AFTPH: variants seen among roughly 807,000 people sequenced by gnomAD.
AFTPH encodes aftiphilin.
AFTPH carries 7 observed loss-of-function variants against 72.5 expected under a neutral mutation model. The ratio of observed to expected loss-of-function variants is 0.10; its 90% CI spans 0.05 to 0.18. The LOEUF (loss-of-function observed/expected upper bound fraction) is 0.18. AFTPH is among the 10% of genes least tolerant of loss of function. The pLI, the probability that AFTPH is intolerant of heterozygous loss-of-function variation, is 1.00. For synonymous variants in AFTPH, 337 were observed against 370.1 expected, an observed-to-expected ratio of 0.91 and a Z score of 1.03; for missense variants, 979 against 1,060.5, an observed-to-expected ratio of 0.92 and a Z score of 1.07.
At chr2:64,564,537 C>T (rs989390148) in intron 2 of AFTPH, among the ~76,000 whole-genome samples, 1 of 151,986 alleles carries the variant, frequency 6.6e-6, no homozygotes, top group Non-Finnish European at 1.5e-5. Context: ...TCGCTTGAAC[C>T]TGAGAGGCCA....
exon 2 of AFTPH, chr2:64,552,550 A>G: frequency 6.2e-7 from 1 of 1,614,070 alleles, no homozygotes; most frequent in Non-Finnish European, 8.5e-7. Context: ...GAAAAACTTG[A>G]CTTACTTACT....
chr2:64,569,535 A>G, intron 4 of AFTPH, 88 bp from the exon 5 acceptor site: 1 of 1,423,272 alleles, frequency 7.0e-7, no homozygotes, highest in Non-Finnish European at 9.9e-7. Context: ...TATATGTAAT[A>G]ACACATCTCA....
chr2:64,590,384 G>A (rs894264642), intron 8 of AFTPH, among the ~76,000 whole-genome samples: 1 of 152,068 alleles, frequency 6.6e-6, no homozygotes, highest in Non-Finnish European at 1.5e-5. Context: ...AAATATTTTG[G>A]CTAGAATGCA....
intron 2 of AFTPH, among the ~76,000 whole-genome samples, chr2:64,558,202 A>G (rs1452742310): frequency 6.6e-6 from 1 of 152,236 alleles, no homozygotes; most frequent in African/African-American, 2.4e-5. Flanking sequence ...TCCCTAAGCA[A>G]GAAAGGAAAA....
exon 2 of AFTPH, chr2:64,552,506 A>G: frequency 6.2e-7 from 1 of 1,614,184 alleles, no homozygotes; most frequent in Non-Finnish European, 8.5e-7. Context: ...CTGATAATTC[A>G]GAAGCCATTA....
chr2:64,592,991 A>G (rs931876096), exon 9 of AFTPH: 2 of 152,688 alleles, frequency 1.3e-5, no homozygotes, highest in Non-Finnish European at 2.9e-5. Context: ...CAAAAATAAA[A>G]TAATTTAAAA....
At chr2:64,544,389 AC>A (rs1670435800) in intron 1 of AFTPH, among the ~76,000 whole-genome samples, 1 of 152,200 alleles carries the variant, frequency 6.6e-6, no homozygotes, top group South Asian at 2.1e-4. Context: ...GAATAAGTAG[AC>A]ATAAAAATGG....
At chr2:64,537,246 G>C (rs945681487) in intron 1 of AFTPH, among the ~76,000 whole-genome samples, 1 of 152,052 alleles carries the variant, frequency 6.6e-6, no homozygotes, top group African/African-American at 2.4e-5. Flanking sequence ...CAAAAGAATG[G>C]AAACAACAGA....
chr2:64,567,790 AC>A (rs1672175448), intron 3 of AFTPH, 77 bp downstream of exon 3: 1 of 1,508,976 alleles, frequency 6.6e-7, no homozygotes, highest in African/African-American at 1.4e-5. Context: ...TTATCTTAAA[AC>A]ATTAAGGTTC....
intron 2 of AFTPH, among the ~76,000 whole-genome samples, chr2:64,566,946 A>ATG (rs1310878776): frequency 2.6e-5 from 4 of 152,208 alleles, no homozygotes; most frequent in Non-Finnish European, 5.9e-5. Flanking sequence ...CACCAAAATG[A>ATG]TGAATGAGCT....
At chr2:64,564,773 A>C (rs1671955088) in intron 2 of AFTPH, among the ~76,000 whole-genome samples, 1 of 152,086 alleles carries the variant, frequency 6.6e-6, no homozygotes, top group African/African-American at 2.4e-5. Context: ...ACCCAAAACA[A>C]GATAGTGGTG....
At chr2:64,544,839 A>T (rs1333779921) in intron 1 of AFTPH, among the ~76,000 whole-genome samples, 1 of 152,186 alleles carries the variant, frequency 6.6e-6, no homozygotes, top group Non-Finnish European at 1.5e-5. Context: ...AAGTTGGGTC[A>T]GAGCCAATAC....
chr2:64,577,003 C>A (rs1672854409), intron 6 of AFTPH, among the ~76,000 whole-genome samples: 1 of 152,156 alleles, frequency 6.6e-6, no homozygotes, highest in African/African-American at 2.4e-5. Flanking sequence ...AAGTGATCCA[C>A]CCACCTTGGC....
At chr2:64,587,101 T>A (rs1281438604) in intron 8 of AFTPH, among the ~76,000 whole-genome samples, 3 of 152,228 alleles carry the variant, frequency 2.0e-5, no homozygotes, top group African/African-American at 7.2e-5. Context: ...TAACTTGTTC[T>A]CCTAATTCGT....
At chr2:64,557,973 G>T (rs149165688) in intron 2 of AFTPH, among the ~76,000 whole-genome samples, 5 of 152,148 alleles carry the variant, frequency 3.3e-5, no homozygotes, top group African/African-American at 1.2e-4. Context: ...TATTACAGCT[G>T]GTCACTCTTT....
chr2:64,526,391 G>A (rs966093563), intron 1 of AFTPH, among the ~76,000 whole-genome samples: 13 of 152,146 alleles, frequency 8.5e-5, no homozygotes, highest in African/African-American at 2.9e-4. Context: ...TTAAGGGATT[G>A]CCCCTTCTCT....
intron 1 of AFTPH, among the ~76,000 whole-genome samples, chr2:64,536,796 T>C (rs938185876): frequency 2.0e-5 from 3 of 151,050 alleles, no homozygotes; most frequent in African/African-American, 7.3e-5. Context: ...CTACAAAAAA[T>C]TTAAAAATTA....
intron 1 of AFTPH, among the ~76,000 whole-genome samples, chr2:64,532,488 G>A (rs1669682370): frequency 6.6e-6 from 1 of 152,212 alleles, no homozygotes; most frequent in Non-Finnish European, 1.5e-5. Context: ...AGTCAGAGGT[G>A]AAAAGAGGTA....
intron 1 of AFTPH, among the ~76,000 whole-genome samples, chr2:64,533,394 C>A (rs751656459): frequency 2.8e-4 from 42 of 152,014 alleles, no homozygotes; most frequent in Non-Finnish European, 5.0e-4. Flanking sequence ...GTGAGTGAGA[C>A]CCTGCCTCCA....
Sources: gnomAD v4.1 joint callset for allele counts (sites outside exome capture counted in the v4.1 genomes callset) on GRCh38, gnomAD v4.1.1 for gene constraint, MANE v1.5 for transcripts, NCBI Gene and HGNC (gene_info 2026-07-23, HGNC 2026-07-21) for gene names.